CLDN16: variants seen among roughly 807,000 people sequenced by gnomAD.
The protein encoded by CLDN16 is claudin-16.
A neutral mutation model predicts 24.6 loss-of-function variants in CLDN16; 13 were observed. The observed-to-expected ratio is 0.53, with a 90% CI of 0.34 to 0.84. The LOEUF (loss-of-function observed/expected upper bound fraction) is 0.84. Among genes scored for constraint, CLDN16 ranks in the 40% least tolerant of loss-of-function variants. CLDN16 has a pLI of 0.01. For missense variants in CLDN16, 298 were observed against 292.7 expected, an observed-to-expected ratio of 1.02 and a Z score of -0.13; for synonymous variants, 116 against 106.7, an observed-to-expected ratio of 1.09 and a Z score of -0.54.
upstream of CLDN16, among the ~76,000 whole-genome samples, chr3:190,383,629 C>G (rs1173913483): frequency 6.6e-6 from 1 of 152,086 alleles, no homozygotes; most frequent in Non-Finnish European, 1.5e-5. Flanking sequence ...TGTCATAGAA[C>G]TTGCCCTATA....
At chr3:190,381,870 A>G (rs1388024966) in intron 3 of CLDN16, among the ~76,000 whole-genome samples, 1 of 152,078 alleles carries the variant, frequency 6.6e-6, no homozygotes, top group Non-Finnish European at 1.5e-5. Context: ...GTACACACTG[A>G]AATCTTACCA....
intron 1 of CLDN16, among the ~76,000 whole-genome samples, chr3:190,343,136 T>C (rs1289624529): frequency 2.0e-5 from 3 of 152,158 alleles, no homozygotes; most frequent in Non-Finnish European, 2.9e-5. Context: ...AACCCACTTA[T>C]AACTGGGTAA....
chr3:190,349,965 A>G (rs953854642), intron 1 of CLDN16, among the ~76,000 whole-genome samples: 7 of 152,070 alleles, frequency 4.6e-5, no homozygotes, highest in African/African-American at 1.4e-4. Context: ...TGGTCTTAAA[A>G]CCATTGAATT....
chr3:190,372,444 A>G (rs1718162008), intron 2 of CLDN16, among the ~76,000 whole-genome samples: 1 of 151,864 alleles, frequency 6.6e-6, no homozygotes, highest in Non-Finnish European at 1.5e-5. Flanking sequence ...GGAGTTTGAG[A>G]CAAGGCTGGG....
At chr3:190,400,329 C>T (rs1342714816) in intron 1 of CLDN16, among the ~76,000 whole-genome samples, 2 of 152,090 alleles carry the variant, frequency 1.3e-5, no homozygotes, top group Non-Finnish European at 2.9e-5. Context: ...ACATCCGACT[C>T]AGTGGTTCAA....
the CLDN16 span, among the ~76,000 whole-genome samples, chr3:190,296,174 G>A: frequency 6.6e-6 from 1 of 152,118 alleles, no homozygotes; most frequent in Admixed American, 6.5e-5. Flanking sequence ...ATACAATGAC[G>A]AGCATAATAT....
At chr3:190,384,909 C>T (rs1199004746), upstream of CLDN16, among the ~76,000 whole-genome samples, 1 of 152,116 alleles carries the variant, frequency 6.6e-6, no homozygotes, top group East Asian at 1.9e-4. Context: ...AATAACTTTT[C>T]TTCATGTTTA....
At chr3:190,372,036 C>T (rs768810754) in intron 2 of CLDN16, among the ~76,000 whole-genome samples, 3 of 151,944 alleles carry the variant, frequency 2.0e-5, no homozygotes, top group Non-Finnish European at 4.4e-5. Flanking sequence ...GCACCTGCTC[C>T]AGTGTAAGAT....
upstream of CLDN16, chr3:190,322,362 G>A: frequency 1.4e-6 from 1 of 725,086 alleles, no homozygotes; most frequent in Non-Finnish European, 2.4e-6. Flanking sequence ...AGAAGCTCTG[G>A]GTCGGGGTTG....
At chr3:190,316,698 C>T in the CLDN16 span, among the ~76,000 whole-genome samples, 1 of 152,132 alleles carries the variant, frequency 6.6e-6, no homozygotes, top group Non-Finnish European at 1.5e-5. Flanking sequence ...TCTAAAGCAC[C>T]AAGCACAGTA....
chr3:190,316,277 G>GC, the CLDN16 span, among the ~76,000 whole-genome samples: 1 of 152,146 alleles, frequency 6.6e-6, no homozygotes, highest in Middle Eastern at 3.4e-3. Flanking sequence ...TTACATCCTG[G>GC]CAACTATTGA....
intron 1 of CLDN16, among the ~76,000 whole-genome samples, chr3:190,363,554 G>GCACATATATATATATATA: frequency 1.2e-5 from 1 of 81,356 alleles, no homozygotes; most frequent in East Asian, 4.4e-4. Flanking sequence ...GTGTGTGTGT[G>GCACATATATATATATATA]TGTATATATA....
chr3:190,297,652 TTA>T, the CLDN16 span, among the ~76,000 whole-genome samples: 1 of 139,904 alleles, frequency 7.1e-6, no homozygotes, highest in Non-Finnish European at 1.5e-5. Flanking sequence ...TATATCTATA[TTA>T]TATATCTATA....
At chr3:190,320,968 C>A (rs893052), upstream of CLDN16, among the ~76,000 whole-genome samples, 76,915 of 131,794 alleles carry the variant, frequency 0.58, 20,024 homozygotes, top group East Asian at 0.79. Context: ...ATTTAAAAAA[C>A]AAAGTAAAAC....
At chr3:190,369,983 G>C (rs1383989008) in intron 1 of CLDN16, among the ~76,000 whole-genome samples, 3 of 151,952 alleles carry the variant, frequency 2.0e-5, no homozygotes, top group Non-Finnish European at 4.4e-5. Flanking sequence ...TGTATTCCGA[G>C]AAAGGCTGAG....
At chr3:190,306,091 C>G in the CLDN16 span, 1 of 152,242 alleles carries the variant, frequency 6.6e-6, no homozygotes, top group Admixed American at 6.5e-5. Context: ...AGTACCATTT[C>G]CAAACTAACT....
intron 1 of CLDN16, among the ~76,000 whole-genome samples, chr3:190,396,830 C>T (rs185164243): frequency 1.3e-5 from 2 of 151,420 alleles, no homozygotes; most frequent in East Asian, 3.9e-4. Flanking sequence ...TAAAATGGGG[C>T]TTGAATAATA....
At chr3:190,327,022 A>G (rs1355940026) in intron 1 of CLDN16, among the ~76,000 whole-genome samples, 1 of 152,148 alleles carries the variant, frequency 6.6e-6, no homozygotes, top group Non-Finnish European at 1.5e-5. Context: ...AGAATAGACT[A>G]CATGTGTGTA....
the CLDN16 span, chr3:190,306,535 T>G: frequency 6.6e-6 from 1 of 152,456 alleles, no homozygotes; most frequent in East Asian, 1.9e-4. Flanking sequence ...AACATCACTG[T>G]GAGGTGGGAA....
Sources: gnomAD v4.1 joint callset for allele counts (sites outside exome capture counted in the v4.1 genomes callset) on GRCh38, gnomAD v4.1.1 for gene constraint, MANE v1.5 for transcripts, NCBI Gene and HGNC (gene_info 2026-07-23, HGNC 2026-07-21) for gene names.